Variants in MRTFB observed in about 807,000 individuals in gnomAD.
MRTFB encodes myocardin-related transcription factor B.
In MRTFB, 29 loss-of-function variants were observed where a neutral mutation model predicts 104.2. That is an observed-to-expected ratio of 0.28 (90% CI 0.21 to 0.38). The LOEUF (loss-of-function observed/expected upper bound fraction) is 0.38, where lower values mean the gene tolerates loss of function less well. Ranked by LOEUF, MRTFB falls within the 10% of genes least tolerant of loss-of-function variation. MRTFB has a pLI of 1.00. For synonymous variants in MRTFB, 535 were observed against 519.5 expected, an observed-to-expected ratio of 1.03 and a Z score of -0.41; for missense variants, 1,270 against 1,341.6, an observed-to-expected ratio of 0.95 and a Z score of 0.83.
intron 8 of MRTFB, among the ~76,000 whole-genome samples, chr16:14,231,613 C>T (rs1022673357): frequency 5.3e-5 from 8 of 151,418 alleles, no homozygotes; most frequent in African/African-American, 1.2e-4. Flanking sequence ...ATTTAGCTCC[C>T]GCTTGTGAGA....
intron 2 of MRTFB, among the ~76,000 whole-genome samples, chr16:14,122,288 CT>C (rs968037640): frequency 6.0e-5 from 9 of 149,788 alleles, no homozygotes; most frequent in East Asian, 1.9e-4. Context: ...AATGTACCAA[CT>C]TTTTTTTTAT....
chr16:14,222,535 C>T (rs2041779428), intron 8 of MRTFB, among the ~76,000 whole-genome samples: 1 of 151,310 alleles, frequency 6.6e-6, no homozygotes, highest in Non-Finnish European at 1.5e-5. Flanking sequence ...ATTGGACACC[C>T]CTGGCTTAAA....
At chr16:14,081,291 CTTTT>C (rs995694902) in intron 2 of MRTFB, among the ~76,000 whole-genome samples, 2 of 121,496 alleles carry the variant, frequency 1.6e-5, no homozygotes, top group Non-Finnish European at 1.7e-5. Context: ...CGTATGCTGC[CTTTT>C]TTTTTTTTTT....
intron 3 of MRTFB, among the ~76,000 whole-genome samples, chr16:14,164,897 G>C (rs2039176181): frequency 6.6e-6 from 1 of 151,392 alleles, no homozygotes; most frequent in Non-Finnish European, 1.5e-5. Context: ...TAATTATCGA[G>C]GGTTAGGGTT....
chr16:14,172,842 C>A (rs1383576128), intron 3 of MRTFB, among the ~76,000 whole-genome samples: 1 of 152,158 alleles, frequency 6.6e-6, no homozygotes, highest in Non-Finnish European at 1.5e-5. Flanking sequence ...GTTTATTTCT[C>A]TGTCAGGTTT....
chr16:14,170,584 C>G (rs1357138312), intron 3 of MRTFB: 1 of 152,132 alleles, frequency 6.6e-6, no homozygotes. Context: ...TTAGATCATG[C>G]CTAGAATTTA....
upstream of MRTFB, among the ~76,000 whole-genome samples, chr16:14,069,866 A>G (rs2033588551): frequency 6.6e-6 from 1 of 152,238 alleles, no homozygotes. Flanking sequence ...ATTAATAAAT[A>G]GACAGCACCT....
intron 2 of MRTFB, among the ~76,000 whole-genome samples, chr16:14,099,872 T>G (rs949607723): frequency 6.6e-6 from 1 of 152,112 alleles, no homozygotes; most frequent in African/African-American, 2.4e-5. Context: ...TTCACTGTGT[T>G]GGCCAGGCTG....
intron 2 of MRTFB, among the ~76,000 whole-genome samples, chr16:14,124,856 C>T (rs1298730367): frequency 6.6e-6 from 1 of 152,122 alleles, no homozygotes; most frequent in Admixed American, 6.6e-5. Flanking sequence ...CATGTGTTAA[C>T]CCTACTGATG....
At chr16:14,039,624 A>G in the MRTFB span, among the ~76,000 whole-genome samples, 2 of 152,094 alleles carry the variant, frequency 1.3e-5, no homozygotes, top group African/African-American at 4.8e-5. Flanking sequence ...TAATTTGGAT[A>G]TACAAATTAT....
At chr16:14,113,534 G>A (rs1348393804) in intron 2 of MRTFB, among the ~76,000 whole-genome samples, 5 of 152,200 alleles carry the variant, frequency 3.3e-5, no homozygotes, top group African/African-American at 1.2e-4. Context: ...TCTAGAGTGG[G>A]TGTAGGATGT....
At chr16:14,126,235 G>A (rs945069650) in intron 2 of MRTFB, among the ~76,000 whole-genome samples, 21 of 151,862 alleles carry the variant, frequency 1.4e-4, no homozygotes, top group Admixed American at 1.0e-3. Flanking sequence ...ATGTATAGCC[G>A]TGTTATGTTG....
intron 15 of MRTFB, among the ~76,000 whole-genome samples, chr16:14,254,586 C>T (rs1367340505): frequency 2.6e-5 from 4 of 152,326 alleles, no homozygotes; most frequent in South Asian, 2.1e-4. Flanking sequence ...GCCATACAGG[C>T]GTGGAATGGA....
the MRTFB span, among the ~76,000 whole-genome samples, chr16:14,004,511 GCAC>G: frequency 6.6e-6 from 1 of 152,152 alleles, no homozygotes; most frequent in African/African-American, 2.4e-5. Flanking sequence ...ACATTCAGGG[GCAC>G]CATGATCAGG....
At chr16:14,256,120 A>G (rs1390725512) in intron 15 of MRTFB, among the ~76,000 whole-genome samples, 1 of 148,418 alleles carries the variant, frequency 6.7e-6, no homozygotes, top group Non-Finnish European at 1.5e-5. Flanking sequence ...CAAAAAAAAA[A>G]AAAAGAAAGA....
At position 14,243,864 on chromosome 16, in the gene MRTFB, G is replaced by GTTTGTTTTTTTTTTTTTTTTTTTT; in HGVS notation, c.1080-1661_1080-1660insGTTTTTTTTTTTTTTTTTTTTTTT. Among the ~76,000 whole-genome samples, 352 of 124,612 alleles carry GTTTGTTTTTTTTTTTTTTTTTTTT rather than the reference G, an allele frequency of 2.8e-3. 25 individuals are homozygous for GTTTGTTTTTTTTTTTTTTTTTTTT. Among genetic ancestry groups the GTTTGTTTTTTTTTTTTTTTTTTTT allele is most frequent in the African/African-American group, 0.013 (332 of 26,444 alleles). The allele number at this position is 124,612 out of a possible 152,430, so 81.8% of individuals were successfully genotyped here. ...CAGAGATTAGTTTTGCCTGTTTTGG[G>GTTTGTTTTTTTTTTTTTTTTTTTT]TTTTTTTTTTTTTGAGACAGAGTCT... is the stretch of plus-strand genomic sequence containing the variant. On this transcript the variant is annotated intron_variant, in intron 10 of 16. Coordinates refer to ENST00000571589, the MANE Select transcript of MRTFB (RefSeq NM_001308142.2).
intron 3 of MRTFB, among the ~76,000 whole-genome samples, chr16:14,189,420 A>C (rs2040079762): frequency 6.6e-6 from 1 of 152,162 alleles, no homozygotes; most frequent in Non-Finnish European, 1.5e-5. Context: ...CATGGAAGTT[A>C]ATTGAGATGG....
intron 3 of MRTFB, chr16:14,186,594 G>C: frequency 1.5e-6 from 1 of 660,092 alleles, no homozygotes; most frequent in Non-Finnish European, 2.1e-6. Context: ...CCCCAGCGCG[G>C]GGGAAGCTGG....
chr16:14,004,870 T>G, the MRTFB span, among the ~76,000 whole-genome samples: 1 of 152,234 alleles, frequency 6.6e-6, no homozygotes, highest in African/African-American at 2.4e-5. Flanking sequence ...TCTACCCTGG[T>G]CAGCATAGAA....
Sources: allele counts gnomAD v4.1 joint callset (sites outside exome capture counted in the v4.1 genomes callset), GRCh38; gene constraint gnomAD v4.1.1; transcripts MANE v1.5; gene names NCBI Gene and HGNC (gene_info 2026-07-23, HGNC 2026-07-21).